MEGF11: variants seen among roughly 807,000 people sequenced by gnomAD.
MEGF11 encodes the protein multiple epidermal growth factor-like domains protein 11.
MEGF11 carries 126 observed loss-of-function variants against 146.6 expected under a neutral mutation model. That is an observed-to-expected ratio of 0.86 (90% CI 0.74 to 1.00). The LOEUF is 1.00. Among genes scored for constraint, MEGF11 ranks in the 50% least tolerant of loss-of-function variants. The probability of loss-of-function intolerance (pLI) is 0.00; values close to 1 mark genes in which losing one functional copy is unlikely to be tolerated. For synonymous variants in MEGF11, 532 were observed against 583.4 expected (o/e 0.91, Z 1.27); for missense variants, 1,509 against 1,521.2 (o/e 0.99, Z 0.13).
chr15:66,032,686 C>T (rs773892433), intron 5 of MEGF11, among the ~76,000 whole-genome samples: 15 of 152,290 alleles, frequency 9.8e-5, no homozygotes, highest in South Asian at 2.1e-4. Flanking sequence ...GAGAAGATTA[C>T]GGAAGGCAGA....
intron 23 of MEGF11, among the ~76,000 whole-genome samples, chr15:65,908,138 C>G (rs1567149792): frequency 6.6e-6 from 1 of 152,266 alleles, no homozygotes; most frequent in East Asian, 1.9e-4. Flanking sequence ...GAGTATAGGC[C>G]CAGGGTCCAT....
chr15:65,899,272 G>T (rs922639129), intron 24 of MEGF11, among the ~76,000 whole-genome samples: 1 of 152,150 alleles, frequency 6.6e-6, no homozygotes, highest in Non-Finnish European at 1.5e-5. Context: ...TGAGATCAAG[G>T]CTCAGAGATA....
At chr15:66,235,641 C>A (rs1398403090) in intron 1 of MEGF11, among the ~76,000 whole-genome samples, 2 of 152,134 alleles carry the variant, frequency 1.3e-5, no homozygotes, top group Non-Finnish European at 2.9e-5. Context: ...CAGCACTACA[C>A]CCCAATACCT....
At chr15:66,039,596 G>T (rs2083869247) in intron 5 of MEGF11, among the ~76,000 whole-genome samples, 1 of 152,166 alleles carries the variant, frequency 6.6e-6, no homozygotes, top group Non-Finnish European at 1.5e-5. Context: ...ACGTTAAGTG[G>T]CTGCACCAGG....
In MEGF11 at chr15:66,011,053, G is replaced by A. The variant is rs148468690; in HGVS notation, c.395-28565C>T. Among the ~76,000 whole-genome samples the A allele has an allele frequency of 2.0e-3, 312 of 152,306 alleles. 3 individuals carry two copies. Among genetic ancestry groups the A allele is most frequent in the Admixed American group, 0.013 (192 of 15,302 alleles). On this transcript the variant is annotated intron_variant, in intron 5 of 25. Transcript: ENST00000395614. Reference sequence around the variant, plus strand: ...ACAGGGTGTGTGTAAAGGGGGTCTGGCAGGAGCAGTCACAGGTGGTGACCA... The same window carrying A: ...ACAGGGTGTGTGTAAAGGGGGTCTGACAGGAGCAGTCACAGGTGGTGACCA...
chr15:65,920,496 C>T (rs1412083382), intron 15 of MEGF11, among the ~76,000 whole-genome samples: 2 of 152,202 alleles, frequency 1.3e-5, no homozygotes, highest in Non-Finnish European at 2.9e-5. Flanking sequence ...GAACTCTGAG[C>T]TTCTCTAACA....
chr15:65,900,500 G>T (rs952902978), intron 24 of MEGF11, among the ~76,000 whole-genome samples: 15 of 152,194 alleles, frequency 9.9e-5, no homozygotes, highest in Admixed American at 9.2e-4. Context: ...TGTCCATTCT[G>T]TTGATGTTTG....
intron 8 of MEGF11, chr15:65,967,075 A>C (rs1263671265): frequency 6.6e-6 from 1 of 152,192 alleles, no homozygotes; most frequent in Non-Finnish European, 1.5e-5. Flanking sequence ...AACTAACCTA[A>C]AGCTCTGACA....
chr15:66,145,328 GA>G (rs1273665473), intron 1 of MEGF11, among the ~76,000 whole-genome samples: 1 of 149,502 alleles, frequency 6.7e-6, no homozygotes, highest in Non-Finnish European at 1.5e-5. Flanking sequence ...AACCCAAAGG[GA>G]AAAGGAGGTA....
chr15:66,082,040 C>T (rs1182051390), intron 5 of MEGF11, among the ~76,000 whole-genome samples: 1 of 152,146 alleles, frequency 6.6e-6, no homozygotes, highest in Non-Finnish European at 1.5e-5. Flanking sequence ...TCCGAGCCTC[C>T]AGAACTGTGA....
At chr15:66,083,067 G>A (rs567555259) in intron 5 of MEGF11, among the ~76,000 whole-genome samples, 7 of 152,248 alleles carry the variant, frequency 4.6e-5, no homozygotes, top group African/African-American at 7.2e-5. Flanking sequence ...GTCCAGGGGC[G>A]CCTGAGACAG....
chr15:66,029,692 C>T (rs1053112945), intron 5 of MEGF11, among the ~76,000 whole-genome samples: 1 of 152,212 alleles, frequency 6.6e-6, no homozygotes, highest in South Asian at 2.1e-4. Context: ...TCAAGACTTC[C>T]ATGAGTTACC....
chr15:66,073,412 G>A (rs2085451785), intron 5 of MEGF11, among the ~76,000 whole-genome samples: 1 of 152,176 alleles, frequency 6.6e-6, no homozygotes, highest in Non-Finnish European at 1.5e-5. Flanking sequence ...CTAAGCTCCT[G>A]TGATGAATTA....
At chr15:66,249,565 C>A (rs988573542) in intron 1 of MEGF11, among the ~76,000 whole-genome samples, 1 of 152,092 alleles carries the variant, frequency 6.6e-6, no homozygotes, top group Non-Finnish European at 1.5e-5. Flanking sequence ...AATTCTATGG[C>A]CTCTTGGATG....
At chr15:66,248,469 G>T (rs2092327123) in intron 1 of MEGF11, among the ~76,000 whole-genome samples, 1 of 152,186 alleles carries the variant, frequency 6.6e-6, no homozygotes, top group African/African-American at 2.4e-5. Flanking sequence ...TGCCCTCATT[G>T]TGCCTATCCC....
At chr15:65,914,205 C>T (rs2078916356) in intron 19 of MEGF11, 2 of 567,078 alleles carry the variant, frequency 3.5e-6, no homozygotes, top group Non-Finnish European at 6.3e-6. Flanking sequence ...CGATGTGAAA[C>T]AATAAATATT....
intron 1 of MEGF11, among the ~76,000 whole-genome samples, chr15:66,227,722 C>T (rs1400143740): frequency 3.9e-5 from 6 of 152,200 alleles, no homozygotes; most frequent in Non-Finnish European, 7.3e-5. Context: ...ATGGAAGCGC[C>T]GGGCTTCTGC....
At position 66,150,899 on chromosome 15, in the gene MEGF11, G is replaced by A. The variant is rs376780840; in HGVS notation, c.-8-22488C>T. On this transcript the variant is annotated intron_variant, in intron 1 of 25. Transcript: ENST00000395614. ...AGAATTTTCCAAGGCCACACCCCTT[G>A]TCAGTGACTAAGGGTGAAAACTCAG... is the stretch of plus-strand genomic sequence containing the variant. 5.3e-5 allele frequency among the ~76,000 whole-genome samples: 8 copies of A among 150,894 alleles called. No individual in the cohort carries two copies. The East Asian group carries it at 1.6e-3, about 30-fold the overall frequency.
intron 1 of MEGF11, among the ~76,000 whole-genome samples, chr15:66,206,818 G>T (rs761763711): frequency 6.6e-6 from 1 of 152,152 alleles, no homozygotes; most frequent in African/African-American, 2.4e-5. Flanking sequence ...CAGGAGAATC[G>T]CTTGAATCCG....
Sources: gnomAD v4.1 joint callset for allele counts (sites outside exome capture counted in the v4.1 genomes callset) on GRCh38, gnomAD v4.1.1 for gene constraint, MANE v1.5 for transcripts, NCBI Gene and HGNC (gene_info 2026-07-23, HGNC 2026-07-21) for gene names.